SHISA9: variants seen among roughly 807,000 people sequenced by gnomAD.
SHISA9 encodes protein shisa-9.
Under a neutral mutation model 38.0 loss-of-function variants are expected in SHISA9, and 13 were observed. The ratio of observed to expected loss-of-function variants is 0.34; its 90% CI spans 0.22 to 0.54. The LOEUF is 0.54. Among genes scored for constraint, SHISA9 ranks in the 20% least tolerant of loss-of-function variants. SHISA9 has a pLI of 0.91. For synonymous variants in SHISA9, 275 were observed against 242.0 expected, an observed-to-expected ratio of 1.14 and a Z score of -1.27; for missense variants, 538 against 575.8, an observed-to-expected ratio of 0.93 and a Z score of 0.67.
chr16:13,409,138 A>G, the SHISA9 span, among the ~76,000 whole-genome samples: 5 of 152,070 alleles, frequency 3.3e-5, no homozygotes, highest in African/African-American at 1.2e-4. Context: ...GAACACTGAG[A>G]GGAGTTTGGC....
chr16:13,365,543 G>A, the SHISA9 span, among the ~76,000 whole-genome samples: 15 of 139,340 alleles, frequency 1.1e-4, no homozygotes, highest in African/African-American at 3.0e-4. Flanking sequence ...TGCAACCTCC[G>A]CCTCCCGGGT....
chr16:13,534,779 G>A, the SHISA9 span, among the ~76,000 whole-genome samples: 13 of 152,068 alleles, frequency 8.5e-5, no homozygotes, highest in South Asian at 2.1e-4. Flanking sequence ...AGGTGTAGTC[G>A]TTAGCCTGAT....
At chr16:13,538,313 A>C in the SHISA9 span, among the ~76,000 whole-genome samples, 140 of 152,264 alleles carry the variant, frequency 9.2e-4, no homozygotes, top group African/African-American at 3.3e-3. Context: ...TACACTTTCT[A>C]GTCCCTGCCT....
intron 2 of SHISA9, among the ~76,000 whole-genome samples, chr16:13,067,100 A>G (rs895698102): frequency 6.6e-6 from 1 of 152,214 alleles, no homozygotes. Context: ...CACAGGTAGA[A>G]ACACTATATG....
chr16:12,925,526 T>C (rs922946710), intron 2 of SHISA9, among the ~76,000 whole-genome samples: 2 of 151,864 alleles, frequency 1.3e-5, no homozygotes, highest in African/African-American at 4.8e-5. Flanking sequence ...TTTCTGTAAG[T>C]TGTCTCCTGG....
chr16:13,556,979 G>T, the SHISA9 span, among the ~76,000 whole-genome samples: 6,170 of 152,070 alleles, frequency 0.041, 253 homozygotes, highest in Admixed American at 0.14. Flanking sequence ...ATATATCCTG[G>T]GGTCCTGGAA....
rs530833544 is a variant in SHISA9, at chr16:13,126,028, T to C, written c.692-77366T>C. ...CAGAAATGGCCATCAATATTTGCAA[T>C]TGGCAGGAGGTGAGAAGGAGGTGAA... is the stretch of plus-strand genomic sequence containing the variant. On this transcript the variant is annotated intron_variant, in intron 2 of 4. Coordinates refer to ENST00000558583, the MANE Select transcript of SHISA9 (RefSeq NM_001145204.3). Among the ~76,000 whole-genome samples, 16 of 152,310 alleles carry C rather than the reference T, an allele frequency of 1.1e-4. No individual in the cohort carries two copies. The South Asian group carries it at 2.1e-3, about 20-fold the overall frequency.
intron 2 of SHISA9, among the ~76,000 whole-genome samples, chr16:13,027,051 G>T (rs2072931286): frequency 6.6e-6 from 1 of 152,142 alleles, no homozygotes; most frequent in African/African-American, 2.4e-5. Context: ...CTCCCCCACT[G>T]CTGTATCTGG....
At chr16:13,416,923 GA>G in the SHISA9 span, among the ~76,000 whole-genome samples, 1 of 152,182 alleles carries the variant, frequency 6.6e-6, no homozygotes, top group East Asian at 1.9e-4. Flanking sequence ...AAAGAAAAAG[GA>G]AGAAATAATA....
intron 1 of SHISA9, chr16:12,908,540 C>G (rs878949246): frequency 1.7e-5 from 27 of 1,551,900 alleles, no homozygotes; most frequent in Middle Eastern, 1.7e-4. Context: ...CGAACCTGCC[C>G]CTGGAGAGTG....
At chr16:13,102,808 C>A (rs1034534439) in intron 2 of SHISA9, among the ~76,000 whole-genome samples, 1 of 152,074 alleles carries the variant, frequency 6.6e-6, no homozygotes, top group Non-Finnish European at 1.5e-5. Flanking sequence ...CCAATGTAGT[C>A]GCTGTTCCGG....
At chr16:13,316,732 G>C in the SHISA9 span, among the ~76,000 whole-genome samples, 1 of 152,184 alleles carries the variant, frequency 6.6e-6, no homozygotes, top group Non-Finnish European at 1.5e-5. Flanking sequence ...TGTCTGAAGA[G>C]TAATTCAATA....
chr16:13,248,676 G>T, the SHISA9 span, among the ~76,000 whole-genome samples: 6 of 152,238 alleles, frequency 3.9e-5, no homozygotes, highest in African/African-American at 9.6e-5. Flanking sequence ...TTTATTAATC[G>T]GAAGCATTTA....
At chr16:13,274,135 T>A in the SHISA9 span, among the ~76,000 whole-genome samples, 1 of 152,308 alleles carries the variant, frequency 6.6e-6, no homozygotes, top group South Asian at 2.1e-4. Context: ...ACTTGAAGGC[T>A]CGTAAGATGA....
At chr16:12,931,907 G>C (rs1232387773) in intron 2 of SHISA9, among the ~76,000 whole-genome samples, 1 of 152,152 alleles carries the variant, frequency 6.6e-6, no homozygotes, top group African/African-American at 2.4e-5. Context: ...ATCTTGAATT[G>C]TGCTTCCCAT....
intron 2 of SHISA9, among the ~76,000 whole-genome samples, chr16:12,934,051 A>G (rs542626779): frequency 6.6e-6 from 1 of 152,266 alleles, no homozygotes; most frequent in East Asian, 1.9e-4. Flanking sequence ...AGCCAAAACA[A>G]AAAACAAAAA....
At chr16:13,353,924 T>C in the SHISA9 span, among the ~76,000 whole-genome samples, 1 of 152,078 alleles carries the variant, frequency 6.6e-6, no homozygotes, top group Non-Finnish European at 1.5e-5. Flanking sequence ...TGTATTGAGA[T>C]GGGAAGGCTA....
At chr16:12,909,333 A>G in intron 1 of SHISA9, 1 of 985,440 alleles carries the variant, frequency 1.0e-6, no homozygotes, top group Non-Finnish European at 1.2e-6. Flanking sequence ...ACTCATGCCC[A>G]TTGCCCTTGC....
At chr16:13,447,700 G>T in the SHISA9 span, among the ~76,000 whole-genome samples, 8 of 152,182 alleles carry the variant, frequency 5.3e-5, no homozygotes, top group Admixed American at 5.2e-4. Context: ...ACCAAGAATG[G>T]CCAGGCTAAT....
Sources: gnomAD v4.1 joint callset for allele counts (sites outside exome capture counted in the v4.1 genomes callset) on GRCh38, gnomAD v4.1.1 for gene constraint, MANE v1.5 for transcripts, NCBI Gene and HGNC (gene_info 2026-07-23, HGNC 2026-07-21) for gene names.